The following RAPGEF4 variants were observed in gnomAD, a reference collection of about 807,000 sequenced individuals.
RAPGEF4 encodes Rap guanine nucleotide exchange factor 4.
In RAPGEF4, 66 loss-of-function variants were observed where a neutral mutation model predicts 147.9. The observed-to-expected ratio is 0.45, with a 90% CI of 0.37 to 0.55. RAPGEF4 has a LOEUF of 0.55. Ranked by LOEUF, RAPGEF4 falls within the 20% of genes least tolerant of loss-of-function variation. The pLI, the probability that RAPGEF4 is intolerant of heterozygous loss-of-function variation, is 0.00. For synonymous variants in RAPGEF4, 419 were observed against 442.7 expected (o/e 0.95, Z 0.67); for missense variants, 1,071 against 1,257.3 (o/e 0.85, Z 2.24).
intron 4 of RAPGEF4, among the ~76,000 whole-genome samples, chr2:172,908,081 T>C (rs540199009): frequency 1.6e-4 from 25 of 152,318 alleles, no homozygotes; most frequent in Non-Finnish European, 2.4e-4. Context: ...TCTTGGCTTT[T>C]TCCACTGAAG....
chr2:172,782,870 G>T (rs1289412673), intron 1 of RAPGEF4, among the ~76,000 whole-genome samples: 1 of 152,204 alleles, frequency 6.6e-6, no homozygotes, highest in Non-Finnish European at 1.5e-5. Context: ...TTTGGCTGGG[G>T]TCTGGTGACC....
chr2:172,899,163 C>T (rs1451933781), intron 4 of RAPGEF4, among the ~76,000 whole-genome samples: 1 of 152,154 alleles, frequency 6.6e-6, no homozygotes, highest in Admixed American at 6.5e-5. Flanking sequence ...GCATGGCACA[C>T]CTGTATCATA....
chr2:172,955,419 A>C (rs1174681893), intron 6 of RAPGEF4, among the ~76,000 whole-genome samples: 2 of 152,224 alleles, frequency 1.3e-5, no homozygotes, highest in South Asian at 4.1e-4. Flanking sequence ...ACAAAAATCA[A>C]TTACAGTCAG....
At chr2:172,887,685 G>A (rs951988051) in intron 4 of RAPGEF4, among the ~76,000 whole-genome samples, 4 of 152,124 alleles carry the variant, frequency 2.6e-5, no homozygotes, top group Admixed American at 1.3e-4. Flanking sequence ...TTTGCTGATC[G>A]CTGCTGCAGG....
chr2:172,860,548 G>A (rs970060255), intron 4 of RAPGEF4, among the ~76,000 whole-genome samples: 23 of 150,204 alleles, frequency 1.5e-4, no homozygotes, highest in Non-Finnish European at 1.9e-4. Flanking sequence ...AAGCCTGTGC[G>A]TGAGTTTTGT....
intron 15 of RAPGEF4, among the ~76,000 whole-genome samples, chr2:172,992,369 T>C (rs1250977274): frequency 6.6e-6 from 1 of 152,238 alleles, no homozygotes; most frequent in Non-Finnish European, 1.5e-5. Context: ...AATGTGAAGG[T>C]TGGGACTGCT....
At position 172,920,026 on chromosome 2, in the gene RAPGEF4, T is replaced by C. The variant is rs577404877; in HGVS notation, c.517+2152T>C. The stretch of plus-strand genomic sequence containing the variant: ...GAGTCAACTGGCTGTGAACCTTCAC[T>C]ATCTCACCCTTGGTCTAGTCTAGGC... On this transcript the variant is annotated intron_variant, in intron 5 of 30. Transcript: ENST00000397081. Among the ~76,000 whole-genome samples, 7 of 152,300 alleles carry C rather than the reference T, an allele frequency of 4.6e-5. No homozygotes were observed. The South Asian group carries it at 1.5e-3, about 32-fold the overall frequency.
intron 21 of RAPGEF4, 49 bp from the exon 22 acceptor site, chr2:173,018,607 T>C (rs1171617698): frequency 3.9e-6 from 6 of 1,544,944 alleles, no homozygotes; most frequent in Non-Finnish European, 3.5e-6. Context: ...TATAGTTTTA[T>C]TGAAAACTCT....
At chr2:172,874,571 C>T (rs1324875444) in intron 4 of RAPGEF4, among the ~76,000 whole-genome samples, 1 of 152,182 alleles carries the variant, frequency 6.6e-6, no homozygotes, top group Non-Finnish European at 1.5e-5. Flanking sequence ...CTACAAAGGA[C>T]ATGAACTCAT....
At chr2:172,933,925 T>C (rs913935390) in intron 6 of RAPGEF4, among the ~76,000 whole-genome samples, 4 of 152,210 alleles carry the variant, frequency 2.6e-5, no homozygotes, top group African/African-American at 9.6e-5. Context: ...TCTATATCAA[T>C]AGGTGACTTT....
rs192277042 is a variant in RAPGEF4 at position 172,770,172 on chromosome 2, T to C, written c.66-24853T>C. On this transcript the variant is annotated intron_variant, in intron 1 of 30. Coordinates refer to ENST00000397081, the MANE Select transcript of RAPGEF4 (RefSeq NM_007023.4). ...CTGCCACTGGCTGGTCCTTCTCCTC[T>C]GGTCAGCTACTCTGCTAAATAAATA... Among the ~76,000 whole-genome samples the C allele has an allele frequency of 2.7e-3, 405 of 152,306 alleles. 1 individual carries two copies. The highest frequency in any genetic ancestry group is 9.4e-3 in the African/African-American group (392 of 41,562).
intron 4 of RAPGEF4, among the ~76,000 whole-genome samples, chr2:172,879,330 T>C (rs1036725413): frequency 2.0e-5 from 3 of 152,188 alleles, no homozygotes; most frequent in Non-Finnish European, 4.4e-5. Context: ...TGATTATGAT[T>C]CCATTCATTT....
At chr2:172,919,460 C>T (rs1419423062) in intron 5 of RAPGEF4, among the ~76,000 whole-genome samples, 1 of 152,174 alleles carries the variant, frequency 6.6e-6, no homozygotes, top group Non-Finnish European at 1.5e-5. Flanking sequence ...GCTCCCGGGG[C>T]ACCACTGTGT....
intron 12 of RAPGEF4, among the ~76,000 whole-genome samples, chr2:172,987,689 T>C (rs1692413095): frequency 1.3e-5 from 2 of 152,242 alleles, no homozygotes; most frequent in African/African-American, 4.8e-5. Context: ...GTGTAGACTA[T>C]ATGCAAATAC....
intron 6 of RAPGEF4, among the ~76,000 whole-genome samples, chr2:172,950,541 G>A (rs1050570535): frequency 1.3e-5 from 2 of 151,990 alleles, no homozygotes; most frequent in African/African-American, 4.8e-5. Context: ...GTGTTTTTAT[G>A]TATTCTTGTG....
At chr2:172,963,570 A>C (rs567866037) in intron 8 of RAPGEF4, among the ~76,000 whole-genome samples, 2 of 152,288 alleles carry the variant, frequency 1.3e-5, no homozygotes, top group Admixed American at 6.5e-5. Flanking sequence ...TTTGTGCTCC[A>C]TTGTACTAAG....
intron 3 of RAPGEF4, among the ~76,000 whole-genome samples, chr2:172,800,900 A>G (rs1344710970): frequency 3.3e-5 from 5 of 152,192 alleles, no homozygotes; most frequent in African/African-American, 1.2e-4. Flanking sequence ...GACACATACA[A>G]TTAACCATAA....
intron 27 of RAPGEF4, among the ~76,000 whole-genome samples, chr2:173,035,395 C>T (rs1683844875): frequency 6.6e-6 from 1 of 151,670 alleles, no homozygotes; most frequent in Non-Finnish European, 1.5e-5. Flanking sequence ...CCTGTAGTCC[C>T]AGCTACTCGG....
chr2:172,922,285 T>G lies in RAPGEF4; in HGVS notation c.522T>G (p.Ile174Met), dbSNP rs1372746646. ...TGTCTCTTTTTCCTCCTTTAGGGAT[T>G]CCTGACAAGGAGAACGTGAGTAGCT... The part of the protein sequence containing the change: ...VMETGSNNDR[I>M]PDKENTPLIE... Residue 174 changes from isoleucine to methionine, a missense_variant, in exon 6 of 31, where the codon ATT becomes ATG. By Grantham distance (10) the Ile-to-Met change is conservative. Coordinates refer to ENST00000397081, the MANE Select transcript of RAPGEF4 (RefSeq NM_007023.4). 2 of 1,607,350 alleles carry G rather than the reference T, an allele frequency of 1.2e-6. No homozygotes were observed. Among genetic ancestry groups the G allele is most frequent in the Admixed American group, 3.3e-5 (2 of 60,026 alleles).
Sources: allele counts gnomAD v4.1 joint callset (sites outside exome capture counted in the v4.1 genomes callset), GRCh38; gene constraint gnomAD v4.1.1; transcripts MANE v1.5; gene names NCBI Gene and HGNC (gene_info 2026-07-23, HGNC 2026-07-21).